Variants in SNX29 observed in about 807,000 individuals in gnomAD.
The protein encoded by SNX29 is sorting nexin-29.
SNX29 carries 78 observed loss-of-function variants against 102.1 expected under a neutral mutation model. The observed-to-expected ratio is 0.76, with a 90% CI of 0.64 to 0.92. The LOEUF is 0.92. Among genes scored for constraint, SNX29 ranks in the 40% least tolerant of loss-of-function variants. SNX29 has a pLI of 0.00. For synonymous variants in SNX29, 580 were observed against 414.5 expected (o/e 1.40, Z -4.85); for missense variants, 1,280 against 1,061.7 (o/e 1.21, Z -2.86).
At chr16:12,348,693 G>A (rs896705350) in intron 15 of SNX29, among the ~76,000 whole-genome samples, 5 of 152,204 alleles carry the variant, frequency 3.3e-5, no homozygotes, top group African/African-American at 1.2e-4. Flanking sequence ...ATGCTGAGAG[G>A]GAGGAGAGAG....
intron 14 of SNX29, among the ~76,000 whole-genome samples, chr16:12,255,904 T>C (rs2078558796): frequency 6.6e-6 from 1 of 152,252 alleles, no homozygotes; most frequent in Non-Finnish European, 1.5e-5. Context: ...AGTAGTGGGA[T>C]TGCTGGATCA....
At chr16:12,199,571 T>C (rs755394883) in intron 13 of SNX29, 30 bp from the exon 14 acceptor site, 2 of 1,576,322 alleles carry the variant, frequency 1.3e-6, no homozygotes, top group East Asian at 2.4e-5. Flanking sequence ...TTTTTAAATA[T>C]ATATTTTTTT....
At chr16:12,242,613 T>TTCTTCCTC (rs1300140367) in intron 14 of SNX29, among the ~76,000 whole-genome samples, 102 of 151,510 alleles carry the variant, frequency 6.7e-4, no homozygotes, top group African/African-American at 2.4e-3. Flanking sequence ...TCTTCTTCTC[T>TTCTTCCTC]TCTTCCTCTC....
At chr16:12,219,764 T>C (rs142193831) in intron 14 of SNX29, among the ~76,000 whole-genome samples, 16 of 152,374 alleles carry the variant, frequency 1.1e-4, no homozygotes, top group African/African-American at 3.1e-4. Context: ...GTTTTTGTGT[T>C]TCACTGAAAA....
intron 15 of SNX29, among the ~76,000 whole-genome samples, chr16:12,289,629 G>A (rs76429113): frequency 0.011 from 1,643 of 152,216 alleles, 24 homozygotes; most frequent in African/African-American, 0.038. Flanking sequence ...GAGTACTTGC[G>A]AACGAACAGA....
intron 15 of SNX29, among the ~76,000 whole-genome samples, chr16:12,344,073 T>G (rs1283511127): frequency 6.6e-6 from 1 of 152,228 alleles, no homozygotes; most frequent in Non-Finnish European, 1.5e-5. Flanking sequence ...TTCCTCTTTC[T>G]CTTGGCTCTC....
chr16:12,566,847 CTT>C (rs1214886993), intron 20 of SNX29, among the ~76,000 whole-genome samples: 2 of 152,188 alleles, frequency 1.3e-5, no homozygotes, highest in African/African-American at 4.8e-5. Context: ...TCAAATGTTT[CTT>C]TTTCATCCAT....
intron 15 of SNX29, among the ~76,000 whole-genome samples, chr16:12,346,732 A>G (rs2081821669): frequency 6.6e-6 from 1 of 151,934 alleles, no homozygotes; most frequent in South Asian, 2.1e-4. Flanking sequence ...CTCACCAACC[A>G]CCAGGAAGGT....
intron 13 of SNX29, among the ~76,000 whole-genome samples, chr16:12,132,795 A>G (rs1432350072): frequency 6.6e-6 from 1 of 152,262 alleles, no homozygotes; most frequent in Non-Finnish European, 1.5e-5. Flanking sequence ...GGCAGAAGGA[A>G]CAGATATCTG....
intron 19 of SNX29, among the ~76,000 whole-genome samples, chr16:12,497,922 G>A (rs966479172): frequency 2.6e-5 from 4 of 152,200 alleles, no homozygotes; most frequent in Non-Finnish European, 1.5e-5. Flanking sequence ...CTGGATGGAG[G>A]GGTGGATAAT....
intron 18 of SNX29, among the ~76,000 whole-genome samples, chr16:12,410,633 T>C (rs1377429254): frequency 6.6e-6 from 1 of 151,924 alleles, no homozygotes; most frequent in African/African-American, 2.4e-5. Flanking sequence ...AGGGTCTCAC[T>C]GTGCTGCCTA....
intron 13 of SNX29, among the ~76,000 whole-genome samples, chr16:12,157,099 T>C (rs1490408756): frequency 6.6e-6 from 1 of 152,132 alleles, no homozygotes; most frequent in Non-Finnish European, 1.5e-5. Flanking sequence ...TTTCTTGAGA[T>C]GGCTGCAGGT....
chr16:12,553,643 T>G (rs1383965211), intron 20 of SNX29, among the ~76,000 whole-genome samples: 1 of 136,270 alleles, frequency 7.3e-6, no homozygotes, highest in African/African-American at 2.7e-5. Context: ...CAGGCTGGAG[T>G]GCAATGACGT....
chr16:12,494,609 C>G (rs1157807948), intron 19 of SNX29, among the ~76,000 whole-genome samples: 2 of 152,248 alleles, frequency 1.3e-5, no homozygotes, highest in East Asian at 1.9e-4. Flanking sequence ...CCCATCTTCT[C>G]TACCAGCTCA....
At chr16:12,052,658 A>G (rs927935273) in intron 8 of SNX29, 11 of 190,878 alleles carry the variant, frequency 5.8e-5, no homozygotes, top group Admixed American at 2.7e-4. Context: ...ATTTGGAAGG[A>G]GTATTATTTG....
At chr16:12,434,454 G>A (rs973564124) in intron 18 of SNX29, among the ~76,000 whole-genome samples, 2 of 152,158 alleles carry the variant, frequency 1.3e-5, no homozygotes, top group Non-Finnish European at 2.9e-5. Flanking sequence ...CAGGGCGAGG[G>A]AGCCGATGTT....
At chr16:12,085,046 G>A (rs866541363) in intron 11 of SNX29, among the ~76,000 whole-genome samples, 7 of 152,068 alleles carry the variant, frequency 4.6e-5, no homozygotes, top group Middle Eastern at 6.8e-3. Flanking sequence ...CTCCAGCCTG[G>A]GTGACAGGGC....
intron 3 of SNX29, among the ~76,000 whole-genome samples, chr16:12,005,811 A>C (rs1288390008): frequency 6.6e-6 from 1 of 152,236 alleles, no homozygotes; most frequent in East Asian, 1.9e-4. Context: ...GTTTTGGATT[A>C]GGCGTGCCTA....
chr16:12,278,122 A>G, intron 15 of SNX29, 86 bp downstream of exon 15: 1 of 1,193,224 alleles, frequency 8.4e-7, no homozygotes, highest in Admixed American at 2.1e-5. Context: ...TATTCTAAAG[A>G]CACGTGAGCA....
Sources: gnomAD v4.1 joint callset for allele counts (sites outside exome capture counted in the v4.1 genomes callset) on GRCh38, gnomAD v4.1.1 for gene constraint, MANE v1.5 for transcripts, NCBI Gene and HGNC (gene_info 2026-07-23, HGNC 2026-07-21) for gene names.